PCDHGA4: variants seen among roughly 807,000 people sequenced by gnomAD.
PCDHGA4 encodes protocadherin gamma-A4.
In PCDHGA4, 38 loss-of-function variants were observed where a neutral mutation model predicts 54.6. That is an observed-to-expected ratio of 0.70 (90% CI 0.54 to 0.91). The LOEUF (loss-of-function observed/expected upper bound fraction) is 0.91. PCDHGA4 is among the 40% of genes least tolerant of loss of function. The probability of loss-of-function intolerance (pLI) is 0.00; values close to 1 mark genes in which losing one functional copy is unlikely to be tolerated. For missense variants in PCDHGA4, 1,298 were observed against 1,220.9 expected (o/e 1.06, Z -0.94); for synonymous variants, 511 against 512.9 (o/e 1.00, Z 0.05).
intron 1 of PCDHGA4, among the ~76,000 whole-genome samples, chr5:141,369,647 A>G (rs987289952): frequency 1.3e-5 from 2 of 152,064 alleles, no homozygotes; most frequent in Admixed American, 6.6e-5. Context: ...TTTTGGGGGG[A>G]GATAATAAAG....
chr5:141,435,853 T>C (rs1034164236), intron 1 of PCDHGA4, among the ~76,000 whole-genome samples: 1 of 152,110 alleles, frequency 6.6e-6, no homozygotes, highest in African/African-American at 2.4e-5. Context: ...AAAGATACAA[T>C]AGTTAAAACC....
chr5:141,394,466 C>G lies in PCDHGA4; in HGVS notation c.2514+36845C>G, dbSNP rs765078363. 3.7e-6 allele frequency: 6 copies of G among 1,614,222 alleles called. 1 individual carries two copies. Among genetic ancestry groups the G allele is most frequent in the East Asian group, 4.5e-5 (2 of 44,878 alleles). On this transcript the variant is annotated intron_variant, in intron 1 of 3. Transcript: ENST00000571252. The stretch of plus-strand genomic sequence containing the variant: ...GCAGCAACATGTCACTGAGCCTGTT[C>G]GTGCTGGACCAGAATGACAACGCGC...
rs57426385 is a variant in PCDHGA4 at position 141,415,740 on chromosome 5, G to GTTT, written c.2514+58149_2514+58151dup. ...TGAGTAGAATTTGATGTTTATTAAG[G>GTTT]TTTTTTTTTTTTTTTTTTTTTTTTT... On this transcript the variant is annotated intron_variant, in intron 1 of 3. Transcript: ENST00000571252. 6,178 of 620,014 alleles carry GTTT rather than the reference G, an allele frequency of 1.0e-2. 42 individuals are homozygous for GTTT. Among genetic ancestry groups the GTTT allele is most frequent in the South Asian group, 0.019 (660 of 34,340 alleles). The allele number at this position is 620,014 out of a possible 1,614,324, so 38.4% of individuals were successfully genotyped here. A position where few individuals can be genotyped will look rare whatever the true frequency, so the allele number is the denominator to read the frequency against.
rs758439978 is a variant in PCDHGA4 at position 141,415,219 on chromosome 5, T to C, written c.2514+57598T>C. ...CCAAGTCCTGGCGGACCTCGGCAGC[T>C]TCGAGTCTCCAGCTAACTCTGAAAC... On this transcript the variant is annotated intron_variant, in intron 1 of 3. Coordinates refer to ENST00000571252, the MANE Select transcript of PCDHGA4 (RefSeq NM_018917.4). 42 of 1,613,954 alleles carry C rather than the reference T, an allele frequency of 2.6e-5. No individual in the cohort carries two copies. Among genetic ancestry groups the C allele is most frequent in the South Asian group, 9.9e-5 (9 of 91,088 alleles).
At chr5:141,372,708 G>T in intron 1 of PCDHGA4, 1 of 1,613,898 alleles carries the variant, frequency 6.2e-7, no homozygotes, top group Non-Finnish European at 8.5e-7. Context: ...CAATATAAAG[G>T]CTGAAAATGC....
chr5:141,381,890 T>C (rs1471901059), intron 1 of PCDHGA4, among the ~76,000 whole-genome samples: 1 of 139,844 alleles, frequency 7.2e-6, no homozygotes, highest in African/African-American at 2.7e-5. Context: ...AGTGCAATGG[T>C]GTGATCTCGG....
intron 1 of PCDHGA4, chr5:141,357,866 TA>T (rs2149798839): frequency 1.7e-6 from 1 of 577,984 alleles, no homozygotes; most frequent in East Asian, 3.2e-5. Context: ...TTTCTAATTT[TA>T]CAACTCTGAG....
chr5:141,430,939 G>A, intron 1 of PCDHGA4: 1 of 1,607,854 alleles, frequency 6.2e-7, no homozygotes, highest in South Asian at 1.1e-5. Flanking sequence ...GGGAGCTCGC[G>A]GAGCGCGGAG....
chr5:141,356,034 G>A lies in PCDHGA4; in HGVS notation c.927G>A (p.Thr309=), dbSNP rs374294861. Residue 309 remains threonine (T), a synonymous_variant, in exon 1 of 4, where the codon ACG becomes ACA. Transcript: ENST00000571252. ...ATGAAGGAGCCAATGGAGACGTGAC[G>A]TATTCTTTCCGGAAAGTAAGAGACA... is the stretch of plus-strand genomic sequence containing the variant. The part of the protein sequence containing the change: ...DPDEGANGDV[T]YSFRKVRDKI... 39 of 1,613,910 alleles carry A rather than the reference G, an allele frequency of 2.4e-5. No homozygotes were observed. Among genetic ancestry groups the A allele is most frequent in the South Asian group, 1.2e-4 (11 of 91,078 alleles).
At chr5:141,368,749 A>T (rs1765836759) in intron 1 of PCDHGA4, among the ~76,000 whole-genome samples, 1 of 152,194 alleles carries the variant, frequency 6.6e-6, no homozygotes. Flanking sequence ...ATACTTTTAA[A>T]TATCTGAATC....
At chr5:141,424,698 T>G (rs1214214315) in intron 1 of PCDHGA4, 1 of 152,228 alleles carries the variant, frequency 6.6e-6, no homozygotes, top group Non-Finnish European at 1.5e-5. Context: ...GCTATTTTTT[T>G]GTTCATTTTC....
intron 1 of PCDHGA4, among the ~76,000 whole-genome samples, chr5:141,460,753 A>ATATACATATTGCATATGTATG (rs1435827019): frequency 4.6e-5 from 7 of 152,094 alleles, no homozygotes; most frequent in Non-Finnish European, 1.0e-4. Flanking sequence ...ATATGTGTAC[A>ATATACATATTGCATATGTATG]TATACATATT....
intron 1 of PCDHGA4, chr5:141,400,300 C>T: frequency 6.2e-7 from 1 of 1,614,084 alleles, no homozygotes; most frequent in Non-Finnish European, 8.5e-7. Context: ...CTGCTTCCAA[C>T]CTGGTCTCTG....
intron 1 of PCDHGA4, chr5:141,370,674 G>A: frequency 1.9e-6 from 3 of 1,613,890 alleles, no homozygotes; most frequent in South Asian, 1.1e-5. Flanking sequence ...AGACCGAGAG[G>A]AGATTTGTGG....
At chr5:141,423,264 C>G (rs1452323474) in intron 1 of PCDHGA4, 1 of 1,613,986 alleles carries the variant, frequency 6.2e-7, no homozygotes. Flanking sequence ...TCGGCAGCCT[C>G]GAGTCTCTGG....
chr5:141,429,387 T>TTAA (rs775632416), intron 1 of PCDHGA4, among the ~76,000 whole-genome samples: 1 of 151,334 alleles, frequency 6.6e-6, no homozygotes, highest in Non-Finnish European at 1.5e-5. Flanking sequence ...GTTTTTTTTT[T>TTAA]AAAAAAAATT....
intron 2 of PCDHGA4, among the ~76,000 whole-genome samples, chr5:141,501,365 A>G (rs1360125423): frequency 1.3e-5 from 2 of 151,500 alleles, no homozygotes; most frequent in Admixed American, 6.6e-5. Flanking sequence ...AACCATATTC[A>G]TCATCTCTTA....
intron 1 of PCDHGA4, among the ~76,000 whole-genome samples, chr5:141,462,868 T>C (rs1232965498): frequency 6.6e-6 from 1 of 152,228 alleles, no homozygotes; most frequent in East Asian, 1.9e-4. Context: ...TTTGTCTTTC[T>C]TTAAGAACTA....
intron 1 of PCDHGA4, chr5:141,361,685 AGCGCGCCTTCGATCATGAGCAGCT>A (rs772108372): frequency 1.1e-5 from 18 of 1,613,452 alleles, no homozygotes; most frequent in Non-Finnish European, 1.4e-5. Context: ...GTGTTCGCGC[AGCGCGCCTTCGATCATGAGCAGCT>A]GCGCGCCTTC....
Sources: gnomAD v4.1 joint callset for allele counts (sites outside exome capture counted in the v4.1 genomes callset) on GRCh38, gnomAD v4.1.1 for gene constraint, MANE v1.5 for transcripts, NCBI Gene and HGNC (gene_info 2026-07-23, HGNC 2026-07-21) for gene names.